The following SLC15A4 variants were observed in gnomAD, a reference collection of about 807,000 sequenced individuals.
SLC15A4 encodes the protein solute carrier family 15 member 4.
In SLC15A4, 26 loss-of-function variants were observed where a neutral mutation model predicts 46.1. The observed-to-expected ratio is 0.56, with a 90% CI of 0.41 to 0.78. The LOEUF (loss-of-function observed/expected upper bound fraction) is 0.78, where lower values mean the gene tolerates loss of function less well. Among genes scored for constraint, SLC15A4 ranks in the 30% least tolerant of loss-of-function variants. SLC15A4 has a pLI of 0.00. For missense variants in SLC15A4, 751 were observed against 755.7 expected, an observed-to-expected ratio of 0.99 and a Z score of 0.07; for synonymous variants, 370 against 333.4, an observed-to-expected ratio of 1.11 and a Z score of -1.20.
At chr12:128,811,558 A>G (rs11059928) in intron 2 of SLC15A4, among the ~76,000 whole-genome samples, 1 of 152,212 alleles carries the variant, frequency 6.6e-6, no homozygotes, top group African/African-American at 2.4e-5. Context: ...GGGGGAAAAT[A>G]ATCAAAAACA....
At chr12:128,814,604 A>C (rs908562894) in intron 2 of SLC15A4, 171 bp downstream of exon 2, 3 of 665,244 alleles carry the variant, frequency 4.5e-6, no homozygotes, top group Admixed American at 3.0e-5. Context: ...ATGGGATAAT[A>C]AGACCGCACC....
chr12:128,816,842 A>T (rs796110304), intron 1 of SLC15A4, among the ~76,000 whole-genome samples: 17 of 152,298 alleles, frequency 1.1e-4, no homozygotes, highest in African/African-American at 4.1e-4. Flanking sequence ...AAAAAAAGAT[A>T]TGGTATGTAA....
At position 128,808,977 on chromosome 12, in the gene SLC15A4, A is replaced by C. The variant is rs769098961; in HGVS notation, c.1090-21T>G. On this transcript the variant is annotated intron_variant, in intron 4 of 7. Coordinates refer to ENST00000266771, the MANE Select transcript of SLC15A4 (RefSeq NM_145648.4). ...GGGAGCTGGGGTGAAACACAGGAGG[A>C]GGCGTTTACTCCCCGCAATACAGGC... is the stretch of plus-strand genomic sequence containing the variant. 76 of 1,605,284 alleles carry C rather than the reference A, an allele frequency of 4.7e-5. No homozygotes were observed. In the East Asian group the frequency reaches 1.1e-3, roughly 24 times the overall value.
chr12:128,797,324 A>T (rs1410434624), intron 7 of SLC15A4, among the ~76,000 whole-genome samples: 1 of 152,168 alleles, frequency 6.6e-6, no homozygotes, highest in African/African-American at 2.4e-5. Context: ...AGACAGCCAC[A>T]GCCCAGCACA....
intron 6 of SLC15A4, 33 bp downstream of exon 6, chr12:128,800,821 G>A (rs1302881114): frequency 1.3e-6 from 2 of 1,587,650 alleles, no homozygotes; most frequent in African/African-American, 2.7e-5. Context: ...CTTGTGCCTG[G>A]ACTCAGACAC....
chr12:128,796,449 AAAAAAAAAACC>A (rs757753255), intron 7 of SLC15A4, among the ~76,000 whole-genome samples: 2 of 95,254 alleles, frequency 2.1e-5, no homozygotes, highest in Non-Finnish European at 4.5e-5. Context: ...AAAAAAAAAA[AAAAAAAAAACC>A]CACACATCTG....
intron 1 of SLC15A4, among the ~76,000 whole-genome samples, chr12:128,822,546 T>C (rs1007943398): frequency 6.6e-6 from 1 of 152,148 alleles, no homozygotes; most frequent in African/African-American, 2.4e-5. Flanking sequence ...TTATTTTTTA[T>C]TTATTTATTT....
Position 128,814,866 on chromosome 12 carries a change from G to T in SLC15A4, c.751C>A (p.Pro251Thr). The T allele has an allele frequency of 1.2e-6, 2 of 1,614,188 alleles. No individual in the cohort carries two copies. Among genetic ancestry groups the T allele is most frequent in the South Asian group, 1.1e-5 (1 of 91,084 alleles). Residue 251 changes from proline (P) to threonine (T), a missense_variant, in exon 2 of 8, where the codon CCT becomes ACT. Pro to Thr is a conservative substitution (Grantham distance 38). Coordinates refer to ENST00000266771, the MANE Select transcript of SLC15A4 (RefSeq NM_145648.4). ...LCGQSVFITK[P>T]PDGSAFTDMF... ...TCGGTGAAGGCACTGCCATCAGGAG[G>T]CTTGGTGATGAAAACGCTCTGGCCA...
At position 128,808,933 on chromosome 12, in the gene SLC15A4, C is replaced by T. The variant is rs760359774; in HGVS notation, c.1113G>A (p.Met371Ile). Reference sequence around the variant, plus strand: ...GCAGGAGGATGAGCACAGCATCAAACATGGTCAGCCAGGCTGCAGGGAGCT... The same window carrying T: ...GCAGGAGGATGAGCACAGCATCAAATATGGTCAGCCAGGCTGCAGGGAGCT... The part of the protein sequence containing the change: ...PHTLPAAWLT[M>I]FDAVLILLLI... Residue 371 changes from methionine to isoleucine, a missense_variant, in exon 5 of 8, where the codon ATG (methionine) becomes ATA (isoleucine). Physicochemically the swap from Met to Ile is conservative, Grantham distance 10. Coordinates refer to ENST00000266771, the MANE Select transcript of SLC15A4 (RefSeq NM_145648.4). The T allele has an allele frequency of 6.2e-7, 1 of 1,613,988 alleles. No individual in the cohort carries two copies. The highest frequency in any genetic ancestry group is 1.1e-5 in the South Asian group (1 of 91,074).
chr12:128,823,242 G>A (rs1023511738), intron 1 of SLC15A4, among the ~76,000 whole-genome samples, 156 bp downstream of exon 1: 1 of 152,220 alleles, frequency 6.6e-6, no homozygotes, highest in Non-Finnish European at 1.5e-5. Flanking sequence ...TCCAGTCTTG[G>A]CCCACCTGCT....
chr12:128,808,956 G>A lies in SLC15A4; in HGVS notation c.1090C>T (p.Leu364Phe), dbSNP rs1283010035. ...AACATGGTCAGCCAGGCTGCAGGGA[G>A]CTGGGGTGAAACACAGGAGGAGGCG... is the stretch of plus-strand genomic sequence containing the variant. ...ISNITTTPHTLPAAWLTMFDA... is the reference protein window; with the variant it reads ...ISNITTTPHTFPAAWLTMFDA... Residue 364 changes from leucine (L) to phenylalanine (F), a missense_variant and splice_region_variant, in exon 5 of 8, where the codon CTC becomes TTC. Leu to Phe is a conservative substitution (Grantham distance 22, BLOSUM62 0). Transcript: ENST00000266771. 6.2e-7 allele frequency: 1 copy of A among 1,612,552 alleles called. No individual in the cohort carries two copies. Among genetic ancestry groups the A allele is most frequent in the East Asian group, 2.2e-5 (1 of 44,882 alleles).
chr12:128,814,807 G>C lies in SLC15A4; in HGVS notation c.810C>G (p.Ser270=), dbSNP rs763201114. Residue 270 remains serine (S), a synonymous_variant, in exon 2 of 8, where the codon TCC becomes TCG. Transcript: ENST00000266771. The part of the protein sequence containing the change: ...MFKILTYSCC[S]QKRSGERQSN... ...TCTGGCGCTCTCCACTTCGCTTCTG[G>C]GAACAGCAGGAATACGTCAGTATCT... 8.7e-6 allele frequency: 14 copies of C among 1,614,052 alleles called. No homozygotes were observed. The highest frequency in any genetic ancestry group is 1.2e-5 in the Non-Finnish European group (14 of 1,180,026).
chr12:128,809,585 G>C, intron 3 of SLC15A4, 112 bp from the exon 4 acceptor site: 1 of 673,820 alleles, frequency 1.5e-6, no homozygotes. Context: ...GTGACTCCCA[G>C]AAATAGACAA....
chr12:128,803,371 T>A (rs1467474386), intron 5 of SLC15A4, among the ~76,000 whole-genome samples: 3 of 152,112 alleles, frequency 2.0e-5, no homozygotes, highest in Non-Finnish European at 4.4e-5. Flanking sequence ...ATGTATGAAT[T>A]GTTCCTTGTG....
Position 128,815,059 on chromosome 12 carries a change from T to A in SLC15A4, c.558A>T (p.Arg186=), listed in dbSNP as rs372778170. The A allele has an allele frequency of 4.8e-5, 77 of 1,607,112 alleles. No homozygotes were observed. Among genetic ancestry groups the A allele is most frequent in the Non-Finnish European group, 6.0e-5 (71 of 1,174,214 alleles). ...TPFGADQVKD[R]GPEATRRFFN... ...AAAATCTCCTAGTGGCTTCCGGACCTCGATCTTTAACCTAAAATAACAGGG... is the reference window on the plus strand; with the variant it reads ...AAAATCTCCTAGTGGCTTCCGGACCACGATCTTTAACCTAAAATAACAGGG... The change falls in exon 2 of 8, where the codon CGA becomes CGT. Residue 186 remains arginine, a synonymous_variant. Coordinates refer to ENST00000266771, the MANE Select transcript of SLC15A4 (RefSeq NM_145648.4).
At chr12:128,799,458 A>C (rs1489131704) in intron 6 of SLC15A4, 41 bp from the exon 7 acceptor site, 3 of 1,607,486 alleles carry the variant, frequency 1.9e-6, no homozygotes, top group Non-Finnish European at 1.7e-6. Context: ...TGAAAGGGGC[A>C]CTTTAACACA....
rs61557926 is a variant in SLC15A4, at chr12:128,817,207, TA to T, written c.547-2138del. Among the ~76,000 whole-genome samples, 984 of 152,368 alleles carry T rather than the reference TA, an allele frequency of 6.5e-3. 11 individuals carry two copies. The highest frequency in any genetic ancestry group is 0.021 in the African/African-American group (865 of 41,592). ...ACCAAATGCAGACATCTCTACTGAA[TA>T]AAGAGTTTGAGGTGAGAACTTCACA... is the stretch of plus-strand genomic sequence containing the variant. On this transcript the variant is annotated intron_variant, in intron 1 of 7. Transcript: ENST00000266771.
intron 5 of SLC15A4, among the ~76,000 whole-genome samples, chr12:128,804,886 C>T (rs1955565274): frequency 6.6e-6 from 1 of 152,316 alleles, no homozygotes; most frequent in Non-Finnish European, 1.5e-5. Context: ...AGTACACCAA[C>T]TCTTTTTAAG....
At chr12:128,816,887 G>A (rs1319012744) in intron 1 of SLC15A4, among the ~76,000 whole-genome samples, 1 of 152,118 alleles carries the variant, frequency 6.6e-6, no homozygotes, top group Non-Finnish European at 1.5e-5. Flanking sequence ...TCATATATTT[G>A]ATATGGTATT....
Sources: gnomAD v4.1 joint callset for allele counts (sites outside exome capture counted in the v4.1 genomes callset) on GRCh38, gnomAD v4.1.1 for gene constraint, MANE v1.5 for transcripts, NCBI Gene and HGNC (gene_info 2026-07-23, HGNC 2026-07-21) for gene names.